The following PARN variants were observed in gnomAD, a reference collection of about 807,000 sequenced individuals.
PARN encodes poly(A)-specific ribonuclease, also known as poly(A)-specific ribonuclease PARN.
A neutral mutation model predicts 102.8 loss-of-function variants in PARN; 71 were observed. That is an observed-to-expected ratio of 0.69 (90% CI 0.57 to 0.84). The LOEUF (loss-of-function observed/expected upper bound fraction) is 0.84. Ranked by LOEUF, PARN falls within the 40% of genes least tolerant of loss-of-function variation. PARN has a pLI of 0.00. For missense variants in PARN, 782 were observed against 760.9 expected (o/e 1.03, Z -0.33); for synonymous variants, 261 against 252.9 (o/e 1.03, Z -0.30).
chr16:14,508,434 G>A (rs986146975), intron 21 of PARN, among the ~76,000 whole-genome samples: 1 of 151,986 alleles, frequency 6.6e-6, no homozygotes, highest in Non-Finnish European at 1.5e-5. Context: ...AAGATAAAAC[G>A]TGTAGCATTC....
Position 14,492,046 on chromosome 16 carries a change from A to C in PARN, c.1481-9219T>G, listed in dbSNP as rs1252978430. ...CGTCACTGATAGCAGAGGCTAACCCACCTGCCTGCTCACACCCTTGGGAGC... is the reference window on the plus strand; with the variant it reads ...CGTCACTGATAGCAGAGGCTAACCCCCCTGCCTGCTCACACCCTTGGGAGC... On this transcript the variant is annotated intron_variant, in intron 21 of 23. Coordinates refer to ENST00000437198, the MANE Select transcript of PARN (RefSeq NM_002582.4). Among the ~76,000 whole-genome samples, 3 of 152,188 alleles carry C rather than the reference A, an allele frequency of 2.0e-5. No homozygotes were observed. The East Asian group carries it at 5.8e-4, about 29-fold the overall frequency.
chr16:14,501,435 C>CACAAAAAAAAAAAAAAAAACAAA (rs1964593850), intron 21 of PARN: 1 of 27,592 alleles, frequency 3.6e-5, no homozygotes, highest in African/African-American at 8.8e-5. Flanking sequence ...CAAGACTGTC[C>CACAAAAAAAAAAAAAAAAACAAA]AAAAAAAAAA....
chr16:14,441,571 G>A lies in PARN; in HGVS notation c.1865-4799C>T, dbSNP rs142873900. ...GCTGAAGGGGGTACGCCCTGGGGCC[G>A]GTTTCCCACACTAAGAAGGTGAGCC... On this transcript the variant is annotated intron_variant, in intron 23 of 23. Transcript: ENST00000437198. Among the ~76,000 whole-genome samples, 384 of 152,310 alleles carry A rather than the reference G, an allele frequency of 2.5e-3. 2 individuals are homozygous for A. Among genetic ancestry groups the A allele is most frequent in the African/African-American group, 8.7e-3 (361 of 41,564 alleles).
chr16:14,458,359 AAAAAC>A (rs1961785798), intron 22 of PARN, among the ~76,000 whole-genome samples: 1 of 152,220 alleles, frequency 6.6e-6, no homozygotes, highest in African/African-American at 2.4e-5. Flanking sequence ...AGGCTATAAG[AAAAAC>A]AAAACATCAT....
At chr16:14,440,626 GATAA>G (rs1429198658) in intron 23 of PARN, among the ~76,000 whole-genome samples, 2 of 152,178 alleles carry the variant, frequency 1.3e-5, no homozygotes, top group Non-Finnish European at 2.9e-5. Flanking sequence ...CTGGGTGATG[GATAA>G]ATAGTGATAC....
intron 18 of PARN, among the ~76,000 whole-genome samples, chr16:14,579,966 G>A (rs1326202107): frequency 1.4e-5 from 2 of 147,894 alleles, no homozygotes; most frequent in Admixed American, 6.8e-5. Context: ...CTGGGTGACA[G>A]AGTGAGACAC....
At chr16:14,524,602 C>T (rs899139608) in intron 21 of PARN, among the ~76,000 whole-genome samples, 1 of 152,164 alleles carries the variant, frequency 6.6e-6, no homozygotes, top group African/African-American at 2.4e-5. Flanking sequence ...TTAAAGGAAA[C>T]TCTTTACATT....
intron 22 of PARN, among the ~76,000 whole-genome samples, chr16:14,451,473 C>A (rs1355243940): frequency 6.6e-6 from 1 of 152,094 alleles, no homozygotes; most frequent in Admixed American, 6.6e-5. Flanking sequence ...ATTACTGTTA[C>A]CTCCAACAAC....
intron 21 of PARN, among the ~76,000 whole-genome samples, chr16:14,536,045 C>T (rs755760330): frequency 2.0e-5 from 3 of 152,036 alleles, no homozygotes; most frequent in Non-Finnish European, 4.4e-5. Context: ...AATTGTATTA[C>T]ACATTATTCA....
At chr16:14,512,845 T>A (rs1448793056) in intron 21 of PARN, among the ~76,000 whole-genome samples, 3 of 152,202 alleles carry the variant, frequency 2.0e-5, no homozygotes, top group Non-Finnish European at 4.4e-5. Flanking sequence ...TGCACATTTT[T>A]AAGCGGTTTT....
At chr16:14,622,180 G>A (rs1972348039) in intron 5 of PARN, among the ~76,000 whole-genome samples, 2 of 152,134 alleles carry the variant, frequency 1.3e-5, no homozygotes, top group African/African-American at 2.4e-5. Flanking sequence ...GTGACAGAGT[G>A]AGACTCCGTC....
At chr16:14,570,321 C>CAAAAAAAAAAAAAAAAAAAAAAAAA (rs59965954) in intron 18 of PARN, among the ~76,000 whole-genome samples, 1 of 63,084 alleles carries the variant, frequency 1.6e-5, no homozygotes. Context: ...GACTCTGTCT[C>CAAAAAAAAAAAAAAAAAAAAAAAAA]AAAAAAAAAA....
At chr16:14,458,752 T>C (rs535851272) in intron 22 of PARN, among the ~76,000 whole-genome samples, 2 of 152,198 alleles carry the variant, frequency 1.3e-5, no homozygotes, top group South Asian at 2.1e-4. Flanking sequence ...AAGGCTGTAA[T>C]AGGATCCCCT....
chr16:14,511,231 C>A (rs1306556070), intron 21 of PARN, among the ~76,000 whole-genome samples: 1 of 152,172 alleles, frequency 6.6e-6, no homozygotes, highest in African/African-American at 2.4e-5. Context: ...TGAGTTGACA[C>A]AGGGTGATGA....
rs751250993 is a variant in PARN, at chr16:14,450,488, AAGTATG to A, written c.1671-3413_1671-3408del. On this transcript the variant is annotated intron_variant, in intron 22 of 23. Coordinates refer to ENST00000437198, the MANE Select transcript of PARN (RefSeq NM_002582.4). ...GGTTTAGGCTTGTGATTTCTAAAATAAGTATGAGTATATGTGTTCATATTTATGTAT... is the reference window on the plus strand; with the variant it reads ...GGTTTAGGCTTGTGATTTCTAAAATAAGTATATGTGTTCATATTTATGTAT... 4.6e-5 allele frequency among the ~76,000 whole-genome samples: 7 copies of A among 152,176 alleles called. No homozygotes were observed. The South Asian group carries it at 6.2e-4, about 14-fold the overall frequency.
chr16:14,437,097 T>C (rs986641938), intron 23 of PARN, among the ~76,000 whole-genome samples: 4 of 152,246 alleles, frequency 2.6e-5, no homozygotes, highest in South Asian at 2.1e-4. Flanking sequence ...GGATTCTTTG[T>C]TGGCAATACA....
In PARN at chr16:14,584,427, A is replaced by G. The variant is rs377692519; in HGVS notation, c.1006-5T>C. 1.0e-4 allele frequency: 164 copies of G among 1,610,138 alleles called. No homozygotes were observed. Among genetic ancestry groups the G allele is most frequent in the Non-Finnish European group, 4.2e-6 (5 of 1,176,930 alleles). On this transcript the variant is annotated splice_polypyrimidine_tract_variant and splice_region_variant and intron_variant, in intron 15 of 23. Transcript: ENST00000437198. ...GGATGTGTTGTTAATGATATCCTGC[A>G]AACCACGAAGCAAAGAATTATGAGA...
At chr16:14,505,504 T>C (rs908561138) in intron 21 of PARN, among the ~76,000 whole-genome samples, 20 of 149,868 alleles carry the variant, frequency 1.3e-4, no homozygotes, top group Admixed American at 5.3e-4. Context: ...CACACACACA[T>C]ACACACACAA....
At chr16:14,485,165 A>G (rs1242639036) in intron 21 of PARN, among the ~76,000 whole-genome samples, 1 of 152,252 alleles carries the variant, frequency 6.6e-6, no homozygotes, top group Non-Finnish European at 1.5e-5. Context: ...CTCAGGAGAT[A>G]AGCGGTGAAA....
Sources: gnomAD v4.1 joint callset for allele counts (sites outside exome capture counted in the v4.1 genomes callset) on GRCh38, gnomAD v4.1.1 for gene constraint, MANE v1.5 for transcripts, NCBI Gene and HGNC (gene_info 2026-07-23, HGNC 2026-07-21) for gene names.